Variants in KHDRBS2 observed in about 807,000 individuals in gnomAD.
The protein encoded by KHDRBS2 is KH domain-containing, RNA-binding, signal transduction-associated protein 2.
KHDRBS2 carries 26 observed loss-of-function variants against 44.3 expected under a neutral mutation model. The ratio of observed to expected loss-of-function variants is 0.59; its 90% CI spans 0.43 to 0.81. KHDRBS2 has a LOEUF of 0.81. KHDRBS2 is among the 40% of genes least tolerant of loss of function. The pLI, the probability that KHDRBS2 is intolerant of heterozygous loss-of-function variation, is 0.00. For synonymous variants in KHDRBS2, 194 were observed against 151.1 expected (o/e 1.28, Z -2.08); for missense variants, 476 against 433.1 (o/e 1.10, Z -0.88).
At chr6:62,186,032 T>C (rs567867187) in intron 1 of KHDRBS2, among the ~76,000 whole-genome samples, 2 of 152,036 alleles carry the variant, frequency 1.3e-5, no homozygotes, top group South Asian at 2.1e-4. Context: ...TCAAATCTTA[T>C]GAGGGGCATC....
chr6:61,588,071 C>A, the KHDRBS2 span, among the ~76,000 whole-genome samples: 1 of 152,198 alleles, frequency 6.6e-6, no homozygotes, highest in Non-Finnish European at 1.5e-5. Context: ...AAAGGCCACA[C>A]CCTACCATCA....
intron 4 of KHDRBS2, among the ~76,000 whole-genome samples, chr6:61,949,439 T>C (rs1764285952): frequency 6.6e-6 from 1 of 152,078 alleles, no homozygotes; most frequent in African/African-American, 2.4e-5. Flanking sequence ...AGAGATGAAA[T>C]CAGTCTTATC....
intron 4 of KHDRBS2, among the ~76,000 whole-genome samples, chr6:61,932,972 C>T (rs75405800): frequency 0.071 from 10,853 of 152,140 alleles, 427 homozygotes; most frequent in Middle Eastern, 0.13. Context: ...TTAACCCATT[C>T]ATCTATTGAT....
At chr6:61,951,405 G>A (rs1764712406) in intron 4 of KHDRBS2, among the ~76,000 whole-genome samples, 1 of 152,012 alleles carries the variant, frequency 6.6e-6, no homozygotes, top group Non-Finnish European at 1.5e-5. Context: ...ATTTTAAATT[G>A]ACATTCAACA....
chr6:62,218,815 C>A (rs1486707910), intron 1 of KHDRBS2, among the ~76,000 whole-genome samples: 1 of 151,700 alleles, frequency 6.6e-6, no homozygotes, highest in Non-Finnish European at 1.5e-5. Context: ...AAGTATATAT[C>A]CACAATGAAA....
At chr6:62,156,491 C>A (rs1816409425) in intron 2 of KHDRBS2, among the ~76,000 whole-genome samples, 1 of 152,100 alleles carries the variant, frequency 6.6e-6, no homozygotes, top group Middle Eastern at 3.4e-3. Flanking sequence ...TAGTATAAAA[C>A]TATAAAATAA....
chr6:62,082,366 A>G (rs985426841), intron 2 of KHDRBS2, among the ~76,000 whole-genome samples: 1 of 151,310 alleles, frequency 6.6e-6, no homozygotes, highest in Non-Finnish European at 1.5e-5. Flanking sequence ...TACATATCAC[A>G]GAAGAATTCC....
At chr6:61,794,943 A>G (rs1400858296) in intron 6 of KHDRBS2, among the ~76,000 whole-genome samples, 3 of 151,928 alleles carry the variant, frequency 2.0e-5, no homozygotes, top group Non-Finnish European at 4.4e-5. Context: ...GTTTGAGACC[A>G]ACCTGGCCAA....
intron 1 of KHDRBS2, among the ~76,000 whole-genome samples, chr6:62,201,798 A>C (rs1827046516): frequency 6.6e-6 from 1 of 152,078 alleles, no homozygotes; most frequent in African/African-American, 2.4e-5. Context: ...TTTTTATTTA[A>C]AATAGATCAT....
chr6:62,189,088 G>A (rs1824055964), intron 1 of KHDRBS2, among the ~76,000 whole-genome samples: 1 of 151,758 alleles, frequency 6.6e-6, no homozygotes, highest in Non-Finnish European at 1.5e-5. Context: ...GACCCCTCCA[G>A]CCTGAGCGAC....
chr6:61,728,723 C>G (rs1222408517), intron 7 of KHDRBS2, among the ~76,000 whole-genome samples: 1 of 152,064 alleles, frequency 6.6e-6, no homozygotes, highest in Non-Finnish European at 1.5e-5. Flanking sequence ...TGTATTAACA[C>G]ACATGAAAGA....
intron 3 of KHDRBS2, among the ~76,000 whole-genome samples, chr6:62,033,707 C>A (rs979830031): frequency 6.7e-6 from 1 of 150,254 alleles, no homozygotes; most frequent in Non-Finnish European, 1.5e-5. Flanking sequence ...TATATGCAAA[C>A]ATGAAGGAGA....
At chr6:61,710,351 G>C (rs1401280158) in intron 7 of KHDRBS2, among the ~76,000 whole-genome samples, 1 of 151,646 alleles carries the variant, frequency 6.6e-6, no homozygotes, top group Non-Finnish European at 1.5e-5. Context: ...TCAGAATTCT[G>C]TTTGTCTTTG....
chr6:61,757,265 C>T (rs906287480), intron 6 of KHDRBS2, among the ~76,000 whole-genome samples: 2 of 152,108 alleles, frequency 1.3e-5, no homozygotes, highest in Non-Finnish European at 2.9e-5. Flanking sequence ...GGTTTTGAAA[C>T]TCTTACTATA....
chr6:62,066,499 C>T (rs1793760781), intron 2 of KHDRBS2, among the ~76,000 whole-genome samples: 3 of 151,620 alleles, frequency 2.0e-5, no homozygotes, highest in Admixed American at 2.0e-4. Flanking sequence ...TTCATTATTG[C>T]ATGAGATGAA....
chr6:61,908,419 G>C (rs1056732457), intron 4 of KHDRBS2, among the ~76,000 whole-genome samples: 1 of 151,984 alleles, frequency 6.6e-6, no homozygotes, highest in Non-Finnish European at 1.5e-5. Context: ...CAGATCACAA[G>C]GTCAGGAGAT....
chr6:61,825,886 T>TA (rs553881668), intron 6 of KHDRBS2, among the ~76,000 whole-genome samples: 1 of 152,106 alleles, frequency 6.6e-6, no homozygotes, highest in Non-Finnish European at 1.5e-5. Context: ...AGTCAATATT[T>TA]AAAAAATTTT....
chr6:62,218,243 A>G (rs977594680), intron 1 of KHDRBS2, among the ~76,000 whole-genome samples: 4 of 151,908 alleles, frequency 2.6e-5, no homozygotes, highest in Non-Finnish European at 5.9e-5. Context: ...GACGAGAACA[A>G]TCCCAAGCCT....
At chr6:61,728,536 T>C (rs1008999878) in intron 7 of KHDRBS2, among the ~76,000 whole-genome samples, 2 of 152,172 alleles carry the variant, frequency 1.3e-5, no homozygotes, top group African/African-American at 4.8e-5. Flanking sequence ...AACTTAAACA[T>C]TTAACTGTAC....
Sources: allele counts gnomAD v4.1 joint callset (sites outside exome capture counted in the v4.1 genomes callset), GRCh38; gene constraint gnomAD v4.1.1; transcripts MANE v1.5; gene names NCBI Gene and HGNC (gene_info 2026-07-23, HGNC 2026-07-21).